Variants in COL13A1 observed in about 807,000 individuals in gnomAD.
COL13A1 encodes the protein collagen alpha-1(XIII) chain.
COL13A1 carries 89 observed loss-of-function variants against 130.9 expected under a neutral mutation model. The ratio of observed to expected loss-of-function variants is 0.68; its 90% confidence interval spans 0.57 to 0.81. The LOEUF (loss-of-function observed/expected upper bound fraction) is 0.81. Ranked by LOEUF, COL13A1 falls within the 30% of genes least tolerant of loss-of-function variation. The pLI, the probability that COL13A1 is intolerant of heterozygous loss-of-function variation, is 0.00. For missense variants in COL13A1, 879 were observed against 934.6 expected (o/e 0.94, Z 0.78); for synonymous variants, 402 against 341.6 (o/e 1.18, Z -1.95).
intron 31 of COL13A1, 40 bp downstream of exon 31, chr10:69,932,644 A>T (rs754478185): frequency 7.4e-7 from 1 of 1,342,888 alleles, no homozygotes; most frequent in Non-Finnish European, 1.1e-6. Context: ...ATCAAGCGAC[A>T]GTCTCTGCAG....
At chr10:69,873,879 C>T (rs1241394153) in intron 4 of COL13A1, among the ~76,000 whole-genome samples, 1 of 152,186 alleles carries the variant, frequency 6.6e-6, no homozygotes, top group Non-Finnish European at 1.5e-5. Context: ...AATTCACCTG[C>T]CCACAGCTGT....
At chr10:69,870,626 T>A (rs563928144) in intron 3 of COL13A1, among the ~76,000 whole-genome samples, 1 of 152,196 alleles carries the variant, frequency 6.6e-6, no homozygotes, top group Non-Finnish European at 1.5e-5. Flanking sequence ...ATTATGATTT[T>A]GTGCATTTTT....
At chr10:69,935,483 C>T in intron 32 of COL13A1, 92 bp downstream of exon 32, 2 of 945,186 alleles carry the variant, frequency 2.1e-6, no homozygotes, top group Non-Finnish European at 3.1e-6. Context: ...TCACTATCAC[C>T]TCTTCCTCCC....
chr10:69,897,341 C>G, intron 13 of COL13A1: 1 of 873,452 alleles, frequency 1.1e-6, no homozygotes, highest in South Asian at 1.8e-5. Flanking sequence ...GGTGGCCCCT[C>G]CTCCATTCCA....
At chr10:69,937,275 C>G (rs1332516656) in intron 33 of COL13A1, among the ~76,000 whole-genome samples, 1 of 152,220 alleles carries the variant, frequency 6.6e-6, no homozygotes, top group Non-Finnish European at 1.5e-5. Flanking sequence ...GTTCTCCCGA[C>G]TAGGCTGTGA....
At chr10:69,943,569 C>T (rs1024130803) in intron 35 of COL13A1, among the ~76,000 whole-genome samples, 18 of 151,976 alleles carry the variant, frequency 1.2e-4, no homozygotes, top group Non-Finnish European at 2.1e-4. Context: ...ATTCACCCCC[C>T]GATCCAGCCA....
intron 1 of COL13A1, among the ~76,000 whole-genome samples, chr10:69,817,265 G>T (rs370542980): frequency 2.6e-5 from 4 of 152,002 alleles, no homozygotes. Flanking sequence ...CGACAGGAGG[G>T]GTTGGCCCTC....
At chr10:69,836,078 CT>C (rs1849966830) in intron 2 of COL13A1, among the ~76,000 whole-genome samples, 1 of 152,224 alleles carries the variant, frequency 6.6e-6, no homozygotes, top group South Asian at 2.1e-4. Context: ...GAAGCTCCCC[CT>C]GCCAACCTCT....
chr10:69,956,755 G>A (rs2070783193), intron 39 of COL13A1: 1 of 468,446 alleles, frequency 2.1e-6, no homozygotes, highest in Non-Finnish European at 3.9e-6. Flanking sequence ...TGGTCCCACG[G>A]GCTAGGACAG....
chr10:69,879,647 A>T, intron 6 of COL13A1, among the ~76,000 whole-genome samples: 1 of 152,258 alleles, frequency 6.6e-6, no homozygotes, highest in Non-Finnish European at 1.5e-5. Flanking sequence ...AGCCGCTCTC[A>T]GCATTCCTGT....
At chr10:69,877,100 T>A (rs1485934429) in intron 5 of COL13A1, among the ~76,000 whole-genome samples, 1 of 152,198 alleles carries the variant, frequency 6.6e-6, no homozygotes, top group Non-Finnish European at 1.5e-5. Flanking sequence ...CTGGTGCTAT[T>A]TTAAATGAGA....
chr10:69,935,255 G>A, intron 31 of COL13A1, 95 bp from the exon 32 acceptor site: 1 of 1,083,328 alleles, frequency 9.2e-7, no homozygotes, highest in South Asian at 1.4e-5. Flanking sequence ...GGGCAGCCAT[G>A]TCCTCCTCTG....
Position 69,930,446 on chromosome 10 carries a change from GC to G in COL13A1, c.1583del (p.Pro528GlnfsTer9), listed in dbSNP as rs770933186. The part of the protein sequence containing the change: ...PGDMGPPGPQ[G>X]PPGKDGPPGV... Reference sequence around the variant, plus strand: ...GACATGGGCCCTCCTGGTCCCCAAGGCCCCCCAGGAAAGGATGGACCTCCAG... The same window carrying G: ...GACATGGGCCCTCCTGGTCCCCAAGGCCCCCAGGAAAGGATGGACCTCCAG... On this transcript the variant is annotated frameshift_variant, in exon 30 of 41. Coordinates refer to ENST00000645393, the MANE Select transcript of COL13A1 (RefSeq NM_001368882.1). LOFTEE classifies it high-confidence loss of function. 6.2e-7 allele frequency: 1 copy of G among 1,613,640 alleles called. No homozygotes were observed. The highest frequency in any genetic ancestry group is 1.1e-5 in the South Asian group (1 of 91,058).
At chr10:69,807,212 A>G (rs879811421) in intron 1 of COL13A1, among the ~76,000 whole-genome samples, 58 of 152,274 alleles carry the variant, frequency 3.8e-4, no homozygotes, top group Non-Finnish European at 2.6e-4. Context: ...TGTCACCACT[A>G]TATCTCTTTC....
intron 2 of COL13A1, among the ~76,000 whole-genome samples, chr10:69,825,856 T>C (rs933139562): frequency 6.6e-6 from 1 of 152,208 alleles, no homozygotes; most frequent in African/African-American, 2.4e-5. Flanking sequence ...AAAATAGCCA[T>C]CTACTGGCTG....
At chr10:69,929,075 C>A in intron 28 of COL13A1, 76 bp downstream of exon 28, 3 of 1,185,774 alleles carry the variant, frequency 2.5e-6, no homozygotes, top group African/African-American at 1.5e-5. Context: ...CCCCTGTGAC[C>A]CTCTCATCTT....
intron 23 of COL13A1, among the ~76,000 whole-genome samples, chr10:69,923,477 C>T (rs3793828): frequency 0.026 from 3,919 of 152,328 alleles, 126 homozygotes; most frequent in East Asian, 0.17. Flanking sequence ...GGGCAATACA[C>T]TCATTCATTC....
Position 69,922,744 on chromosome 10 carries a change from G to A in COL13A1, c.1180G>A (p.Gly394Ser). 1.2e-6 allele frequency: 2 copies of A among 1,606,970 alleles called. No individual in the cohort carries two copies. The highest frequency in any genetic ancestry group is 1.1e-5 in the South Asian group (1 of 89,056). The change falls in exon 23 of 41, where the codon GGC (glycine) becomes AGC (serine). Residue 394 changes from glycine (G) to serine (S), a missense_variant. Physicochemically the swap from Gly to Ser is moderately conservative, Grantham distance 56. This residue lies in a region of COL13A1 where 715 missense variants were observed against 721.0 expected (regional missense o/e 0.99). Transcript: ENST00000645393. ...KGDAGNSIGG[G>S]RGEPGPPGLP... ...CGATGCTGGCAACTCCATTGGAGGA[G>A]GCAGAGGGGAACCTGGCCCTCCAGG...
At chr10:69,917,820 C>T (rs959477766) in intron 18 of COL13A1, among the ~76,000 whole-genome samples, 69 of 152,036 alleles carry the variant, frequency 4.5e-4, no homozygotes, top group Admixed American at 3.9e-4. Flanking sequence ...ACACTGGGGG[C>T]GACTGTCCCT....
Sources: allele counts gnomAD v4.1 joint callset (sites outside exome capture counted in the v4.1 genomes callset), GRCh38; gene constraint gnomAD v4.1.1; regional missense constraint gnomAD v4.1.1; transcripts MANE v1.5; gene names NCBI Gene and HGNC (gene_info 2026-07-23, HGNC 2026-07-21).